Variants in MROH1 observed in about 807,000 individuals in gnomAD.
The protein encoded by MROH1 is maestro heat like repeat family member 1, also known as maestro heat-like repeat-containing protein family member 1.
MROH1 carries 117 observed loss-of-function variants against 116.5 expected under a neutral mutation model. That is an observed-to-expected ratio of 1.00 (90% confidence interval 0.86 to 1.17). The LOEUF (loss-of-function observed/expected upper bound fraction) is 1.17. Among genes scored for constraint, MROH1 ranks in the 50% most tolerant of loss-of-function variants. The pLI is 0.00. For synonymous variants in MROH1, 921 were observed against 583.9 expected, an observed-to-expected ratio of 1.58 and a Z score of -8.32; for missense variants, 1,873 against 1,338.5, an observed-to-expected ratio of 1.40 and a Z score of -6.23.
chr8:144,161,658 G>A (rs982295201), intron 2 of MROH1, among the ~76,000 whole-genome samples: 3 of 152,200 alleles, frequency 2.0e-5, no homozygotes, highest in Non-Finnish European at 4.4e-5. Flanking sequence ...GTTGTCCTGT[G>A]ATTCTCGCCT....
intron 33 of MROH1, among the ~76,000 whole-genome samples, chr8:144,253,146 T>G (rs1263163501): frequency 6.6e-6 from 1 of 150,928 alleles, no homozygotes; most frequent in Non-Finnish European, 1.5e-5. Flanking sequence ...AGAGCAAGAC[T>G]CTGTCTCAAA....
Position 144,244,283 on chromosome 8 carries a change from A to G in MROH1, c.2617A>G (p.Ser873Gly), listed in dbSNP as rs1011083955. ...RADVIHGCLH[S>G]IMALLPEPKE... ...GGATGTGATCCATGGCTGCCTGCAC[A>G]GCATCATGGCCCTGCTGCCTGAGCC... Residue 873 changes from serine (S) to glycine (G), a missense_variant, in exon 27 of 44, where the codon AGC becomes GGC. Transcript: ENST00000326134. 9,602 of 719,262 alleles carry G rather than the reference A, an allele frequency of 0.013. 112 individuals carry two copies. The highest frequency in any genetic ancestry group is 0.017 in the Non-Finnish European group (6,638 of 385,424). 44.6% of individuals were successfully genotyped at this position (719,262 alleles called of 1,614,324 possible).
At chr8:144,214,949 G>C (rs143547130) in intron 12 of MROH1, among the ~76,000 whole-genome samples, 1,581 of 152,286 alleles carry the variant, frequency 0.01, 21 homozygotes, top group African/African-American at 0.036. Context: ...CATCCAGCAC[G>C]GGAGAAAGAT....
chr8:144,260,776 G>T lies in MROH1; in HGVS notation c.4480G>T (p.Gly1494Cys), dbSNP rs1844891708. 1.3e-6 allele frequency: 1 copy of T among 778,718 alleles called. No homozygotes were observed. The highest frequency in any genetic ancestry group is 1.7e-5 in the African/African-American group (1 of 59,264). 48.2% of individuals were successfully genotyped at this position (778,718 alleles called of 1,614,324 possible). Residue 1494 changes from glycine to cysteine, a missense_variant, in exon 40 of 44, where the codon GGC becomes TGC. Coordinates refer to ENST00000326134, the MANE Select transcript of MROH1 (RefSeq NM_032450.3). ...CEDVFLDQVVGGLAPLLLHLQ... is the reference protein window; with the variant it reads ...CEDVFLDQVVCGLAPLLLHLQ... ...GGACGTCTTCCTGGACCAGGTGGTGGGCGGGCTGGCGCCCCTGCTGCTGCA... is the reference window on the plus strand; with the variant it reads ...GGACGTCTTCCTGGACCAGGTGGTGTGCGGGCTGGCGCCCCTGCTGCTGCA...
rs906951083 is a variant in MROH1 at position 144,259,454 on chromosome 8, C to T, written c.4044+100C>T. 1.6e-4 allele frequency: 109 copies of T among 703,160 alleles called. 1 individual carries two copies. The highest frequency in any genetic ancestry group is 2.6e-4 in the Non-Finnish European group (100 of 383,458). 43.6% of individuals were successfully genotyped at this position (703,160 alleles called of 1,614,324 possible). On this transcript the variant is annotated intron_variant, in intron 37 of 43. Coordinates refer to ENST00000326134, the MANE Select transcript of MROH1 (RefSeq NM_032450.3). The stretch of plus-strand genomic sequence containing the variant: ...CTTACCCCTAAAAGGCCCCCTCGAC[C>T]GTGGTCTGTGAGGGAGGTTATGTGG...
At chr8:144,239,951 T>A in intron 18 of MROH1, 150 bp from the exon 19 acceptor site, 1 of 699,532 alleles carries the variant, frequency 1.4e-6, no homozygotes, top group Non-Finnish European at 2.6e-6. Flanking sequence ...TGAAAGGCAC[T>A]CCCGCTGGGT....
Position 144,239,666 on chromosome 8 carries a change from G to A in MROH1, c.1685G>A (p.Arg562His), listed in dbSNP as rs939469840. ...LGDGRGAAALRLLSVLHPNIH... is the reference protein window; with the variant it reads ...LGDGRGAAALHLLSVLHPNIH... ...GACGGACGTGGGGCAGCGGCGCTGCGCCTCCTCAGTGTTCTGCACCCAAAC... is the reference window on the plus strand; with the variant it reads ...GACGGACGTGGGGCAGCGGCGCTGCACCTCCTCAGTGTTCTGCACCCAAAC... Residue 562 changes from arginine to histidine, a missense_variant, in exon 18 of 44, where the codon CGC (arginine) becomes CAC (histidine). Arg to His is a conservative substitution (Grantham distance 29). Coordinates refer to ENST00000326134, the MANE Select transcript of MROH1 (RefSeq NM_032450.3). 5.5e-5 allele frequency: 42 copies of A among 761,530 alleles called. No individual in the cohort carries two copies. Among genetic ancestry groups the A allele is most frequent in the Non-Finnish European group, 9.0e-5 (37 of 409,298 alleles). 47.2% of individuals were successfully genotyped at this position (761,530 alleles called of 1,614,324 possible). A position where few individuals can be genotyped will look rare whatever the true frequency, so the allele number is the denominator to read the frequency against.
At chr8:144,220,722 T>C (rs1836538301) in intron 13 of MROH1, 49 bp downstream of exon 13, 1 of 1,501,398 alleles carries the variant, frequency 6.7e-7, no homozygotes, top group Admixed American at 2.0e-5. Flanking sequence ...CACAGGCAGC[T>C]GCAGGGTGTG....
At chr8:144,212,990 A>G (rs1461606619) in intron 12 of MROH1, 1 of 774,828 alleles carries the variant, frequency 1.3e-6, no homozygotes, top group Non-Finnish European at 2.4e-6. Context: ...ATCTCGTTAC[A>G]CAGGCAGCAC....
At chr8:144,222,189 T>C (rs538308558) in intron 13 of MROH1, among the ~76,000 whole-genome samples, 1 of 152,120 alleles carries the variant, frequency 6.6e-6, no homozygotes, top group East Asian at 1.9e-4. Context: ...ATGGGTGTAT[T>C]TGGAGCCTGG....
intron 4 of MROH1, chr8:144,175,375 C>T (rs892676404): frequency 2.3e-5 from 12 of 532,416 alleles, no homozygotes; most frequent in Non-Finnish European, 2.9e-5. Context: ...CAGGTCTGGT[C>T]GGATGGGTAT....
intron 10 of MROH1, among the ~76,000 whole-genome samples, chr8:144,193,860 C>T (rs553629759): frequency 5.9e-5 from 9 of 151,972 alleles, no homozygotes; most frequent in African/African-American, 1.9e-4. Context: ...CCACCTGCCT[C>T]GGCCTCCCAA....
intron 7 of MROH1, among the ~76,000 whole-genome samples, chr8:144,183,430 T>G (rs1826172733): frequency 6.6e-6 from 1 of 150,560 alleles, no homozygotes; most frequent in Non-Finnish European, 1.5e-5. Flanking sequence ...GGCTTCTGCT[T>G]GTGGCATTAT....
At chr8:144,215,970 C>T (rs867205995) in intron 12 of MROH1, among the ~76,000 whole-genome samples, 6 of 151,188 alleles carry the variant, frequency 4.0e-5, no homozygotes, top group Middle Eastern at 3.5e-3. Flanking sequence ...GGATCACCTG[C>T]GGTCAGGAGT....
Position 144,223,182 on chromosome 8 carries a change from G to A in MROH1, c.1290G>A (p.Ala430=), listed in dbSNP as rs144294866. Residue 430 remains alanine (A), a synonymous_variant, in exon 14 of 44, where the codon GCG becomes GCA. Coordinates refer to ENST00000326134, the MANE Select transcript of MROH1 (RefSeq NM_032450.3). ...ACCTGGAGCAGCCTGGAGGTGAGGCGATGATCGAGTACATCGTGCAGCAGT... is the reference window on the plus strand; with the variant it reads ...ACCTGGAGCAGCCTGGAGGTGAGGCAATGATCGAGTACATCGTGCAGCAGT... The part of the protein sequence containing the change: ...HGYLEQPGGE[A]MIEYIVQQCA... The A allele has an allele frequency of 2.0e-5, 33 of 1,611,950 alleles. 2 individuals are homozygous for A. Among genetic ancestry groups the A allele is most frequent in the South Asian group, 2.0e-4 (18 of 90,730 alleles).
chr8:144,192,798 C>T, intron 10 of MROH1: 1 of 363,762 alleles, frequency 2.7e-6, no homozygotes, highest in Non-Finnish European at 5.3e-6. Flanking sequence ...CTTGAAGGCC[C>T]TGCTGGAGAG....
At chr8:144,229,273 A>ATG (rs1475468865) in intron 14 of MROH1, among the ~76,000 whole-genome samples, 1 of 152,026 alleles carries the variant, frequency 6.6e-6, no homozygotes, top group East Asian at 1.9e-4. Flanking sequence ...AATGCTCTTC[A>ATG]TGGTATCTAC....
At chr8:144,168,567 T>A in intron 4 of MROH1, 127 bp downstream of exon 4, 2 of 1,117,614 alleles carry the variant, frequency 1.8e-6, no homozygotes, top group Non-Finnish European at 2.5e-6. Context: ...GCCACATGTC[T>A]AACCCCCTCC....
intron 20 of MROH1, 92 bp downstream of exon 20, chr8:144,240,769 G>A (rs887273314): frequency 8.6e-6 from 6 of 694,032 alleles, no homozygotes; most frequent in African/African-American, 3.5e-5. Context: ...CCTGTCTCCC[G>A]TGGCCCTGGT....
Sources: gnomAD v4.1 joint callset for allele counts (sites outside exome capture counted in the v4.1 genomes callset) on GRCh38, gnomAD v4.1.1 for gene constraint, MANE v1.5 for transcripts, NCBI Gene and HGNC (gene_info 2026-07-23, HGNC 2026-07-21) for gene names.